Variants in PKNOX2 observed in about 807,000 individuals in gnomAD.
The protein encoded by PKNOX2 is PBX/knotted 1 homeobox 2.
PKNOX2 carries 14 observed loss-of-function variants against 53.1 expected under a neutral mutation model. The ratio of observed to expected loss-of-function variants is 0.26; its 90% CI spans 0.17 to 0.41. PKNOX2 has a LOEUF of 0.41. PKNOX2 is among the 10% of genes least tolerant of loss of function. The pLI, the probability that PKNOX2 is intolerant of heterozygous loss-of-function variation, is 1.00. For synonymous variants in PKNOX2, 257 were observed against 242.8 expected (o/e 1.06, Z -0.54); for missense variants, 496 against 602.8 (o/e 0.82, Z 1.85).
chr11:125,173,859 G>A (rs1482868632), intron 1 of PKNOX2, among the ~76,000 whole-genome samples: 1 of 152,210 alleles, frequency 6.6e-6, no homozygotes, highest in Non-Finnish European at 1.5e-5. Flanking sequence ...CAAACACCAA[G>A]GGGAGTTTAG....
chr11:125,208,085 A>T (rs1301684671), intron 1 of PKNOX2, among the ~76,000 whole-genome samples: 1 of 152,108 alleles, frequency 6.6e-6, no homozygotes, highest in East Asian at 1.9e-4. Context: ...GGATGAGGAA[A>T]CATTACTTCT....
At chr11:125,332,383 C>T (rs984826283) in intron 3 of PKNOX2, among the ~76,000 whole-genome samples, 1 of 152,160 alleles carries the variant, frequency 6.6e-6, no homozygotes, top group African/African-American at 2.4e-5. Context: ...GGAACCTGCA[C>T]CCCAAATCTT....
In PKNOX2 at chr11:125,174,915, G is replaced by A. The variant is rs189536399; in HGVS notation, c.-201+10139G>A. 1.6e-4 allele frequency among the ~76,000 whole-genome samples: 25 copies of A among 152,200 alleles called. No homozygotes were observed. In the East Asian group the frequency reaches 2.7e-3, roughly 17 times the overall value. The stretch of plus-strand genomic sequence containing the variant: ...ACAACTGGTTTCATAGTAGGGCAGC[G>A]GTCCCCTGGGGCCCTCTTGACTTGT... On this transcript the variant is annotated intron_variant, in intron 1 of 12. Coordinates refer to ENST00000298282, the MANE Select transcript of PKNOX2 (RefSeq NM_001382323.2).
intron 2 of PKNOX2, among the ~76,000 whole-genome samples, chr11:125,298,951 C>T (rs538969915): frequency 6.6e-6 from 1 of 152,228 alleles, no homozygotes; most frequent in African/African-American, 2.4e-5. Context: ...GCATTGCCAT[C>T]GAGAAGTACC....
chr11:125,234,323 C>T (rs1240187508), intron 1 of PKNOX2, among the ~76,000 whole-genome samples: 2 of 152,212 alleles, frequency 1.3e-5, no homozygotes, highest in East Asian at 3.8e-4. Context: ...GGAGGCAGTG[C>T]TTTTATAACA....
chr11:125,189,445 GTGTATATATATATATATATATATA>G (rs1158146488), intron 1 of PKNOX2, among the ~76,000 whole-genome samples: 9 of 50,584 alleles, frequency 1.8e-4, no homozygotes, highest in East Asian at 1.6e-3. Context: ...GTGTGTGTGT[GTGTATATATATATATATATATATA>G]TATATATATA....
chr11:125,358,057 G>A (rs1204671353), intron 4 of PKNOX2, among the ~76,000 whole-genome samples: 2 of 152,104 alleles, frequency 1.3e-5, no homozygotes, highest in South Asian at 2.1e-4. Context: ...CCTGTCTCAC[G>A]AGGCTGTTGA....
At chr11:125,408,006 T>C (rs1955220900) in intron 7 of PKNOX2, among the ~76,000 whole-genome samples, 1 of 152,200 alleles carries the variant, frequency 6.6e-6, no homozygotes, top group East Asian at 1.9e-4. Flanking sequence ...TCTGGACTTC[T>C]GAGTTTTAGT....
intron 6 of PKNOX2, among the ~76,000 whole-genome samples, chr11:125,392,842 A>C (rs1045571260): frequency 2.0e-5 from 3 of 152,016 alleles, no homozygotes; most frequent in Non-Finnish European, 4.4e-5. Flanking sequence ...GGTTTAAGGA[A>C]TGACGATCGT....
At chr11:125,270,540 A>T (rs1324736604) in intron 2 of PKNOX2, among the ~76,000 whole-genome samples, 1 of 152,218 alleles carries the variant, frequency 6.6e-6, no homozygotes, top group Non-Finnish European at 1.5e-5. Flanking sequence ...TTCCCAAGCT[A>T]AAAAGCCCTC....
chr11:125,297,286 C>T (rs949116419), intron 2 of PKNOX2, among the ~76,000 whole-genome samples: 1 of 152,158 alleles, frequency 6.6e-6, no homozygotes, highest in Admixed American at 6.5e-5. Context: ...ATCATTTGAC[C>T]TCAATTTGTT....
intron 1 of PKNOX2, among the ~76,000 whole-genome samples, chr11:125,211,261 A>C (rs1253754229): frequency 6.6e-6 from 1 of 152,102 alleles, no homozygotes; most frequent in Non-Finnish European, 1.5e-5. Context: ...CGGAGTAGGC[A>C]AGGGTTTCTC....
chr11:125,180,241 C>T (rs1396422714), intron 1 of PKNOX2, among the ~76,000 whole-genome samples: 1 of 152,168 alleles, frequency 6.6e-6, no homozygotes, highest in Non-Finnish European at 1.5e-5. Context: ...TCCCTTTTGT[C>T]CCCTCCCTGG....
At chr11:125,351,210 A>G in intron 3 of PKNOX2, 74 bp from the exon 4 acceptor site, 1 of 747,588 alleles carries the variant, frequency 1.3e-6, no homozygotes, top group Non-Finnish European at 2.4e-6. Context: ...CGGGGGACAC[A>G]GGGAGCTGCT....
At chr11:125,362,360 T>A (rs957582399) in intron 4 of PKNOX2, among the ~76,000 whole-genome samples, 3 of 152,068 alleles carry the variant, frequency 2.0e-5, no homozygotes, top group African/African-American at 7.2e-5. Context: ...AAGGCCCACA[T>A]GGTTTTTTTC....
intron 2 of PKNOX2, among the ~76,000 whole-genome samples, chr11:125,253,639 AT>A (rs1944177553): frequency 6.6e-6 from 1 of 151,978 alleles, no homozygotes; most frequent in East Asian, 1.9e-4. Flanking sequence ...CTGTCACCTC[AT>A]TTCTACCTTG....
At chr11:125,207,228 C>CT (rs1380073367) in intron 1 of PKNOX2, among the ~76,000 whole-genome samples, 1 of 152,050 alleles carries the variant, frequency 6.6e-6, no homozygotes, top group African/African-American at 2.4e-5. Context: ...ACCCTCCCTC[C>CT]TCCCTTCCTT....
intron 3 of PKNOX2, chr11:125,332,689 G>C (rs1028886434): frequency 2.0e-5 from 3 of 152,198 alleles, no homozygotes; most frequent in African/African-American, 7.2e-5. Flanking sequence ...CCAGGATTTT[G>C]TAAGTTTCCC....
chr11:125,394,870 T>G (rs1954286941), intron 6 of PKNOX2, among the ~76,000 whole-genome samples: 1 of 152,234 alleles, frequency 6.6e-6, no homozygotes, highest in Non-Finnish European at 1.5e-5. Context: ...AGAGAGCTCC[T>G]GATTCACATC....
Sources: allele counts gnomAD v4.1 joint callset (sites outside exome capture counted in the v4.1 genomes callset), GRCh38; gene constraint gnomAD v4.1.1; transcripts MANE v1.5; gene names NCBI Gene and HGNC (gene_info 2026-07-23, HGNC 2026-07-21).